The following EIF2B3 variants were observed in gnomAD, a reference collection of about 807,000 sequenced individuals.
EIF2B3 encodes translation initiation factor eIF2B subunit gamma.
A neutral mutation model predicts 54.1 loss-of-function variants in EIF2B3; 20 were observed. The ratio of observed to expected loss-of-function variants is 0.37; its 90% CI spans 0.26 to 0.54. EIF2B3 has a LOEUF of 0.54. Ranked by LOEUF, EIF2B3 falls within the 20% of genes least tolerant of loss-of-function variation. EIF2B3 has a pLI of 0.86. For missense variants in EIF2B3, 448 were observed against 547.8 expected, an observed-to-expected ratio of 0.82 and a Z score of 1.82; for synonymous variants, 153 against 188.1, an observed-to-expected ratio of 0.81 and a Z score of 1.52.
rs571124682 is a variant in EIF2B3 at position 44,976,848 on chromosome 1, T to C, written c.294+1467A>G. Among the ~76,000 whole-genome samples, 12 of 152,268 alleles carry C rather than the reference T, an allele frequency of 7.9e-5. No individual in the cohort carries two copies. The South Asian group carries it at 1.4e-3, about 18-fold the overall frequency. On this transcript the variant is annotated intron_variant, in intron 3 of 11. Coordinates refer to ENST00000360403, the MANE Select transcript of EIF2B3 (RefSeq NM_020365.5). The stretch of plus-strand genomic sequence containing the variant: ...TTTATAAGCAAATAAAATTAATACA[T>C]AGTGATAGAAACAGAAGAGTGGTTG...
At chr1:44,899,751 C>CA (rs1643235432) in intron 5 of EIF2B3, among the ~76,000 whole-genome samples, 1 of 152,192 alleles carries the variant, frequency 6.6e-6, no homozygotes, top group South Asian at 2.1e-4. Flanking sequence ...TAAACTAGTT[C>CA]AGCCACTGTG....
chr1:44,856,615 G>A (rs1654442058), intron 11 of EIF2B3, among the ~76,000 whole-genome samples: 1 of 150,640 alleles, frequency 6.6e-6, no homozygotes, highest in South Asian at 2.1e-4. Context: ...GAGTTGAGAT[G>A]TGAACTGAGG....
Position 44,881,516 on chromosome 1 carries a change from G to C in EIF2B3, c.784+96C>G. The C allele has an allele frequency of 1.3e-6, 2 of 1,490,744 alleles. No homozygotes were observed. The highest frequency in any genetic ancestry group is 1.9e-6 in the Non-Finnish European group (2 of 1,076,620). 92.3% of individuals were successfully genotyped at this position (1,490,744 alleles called of 1,614,324 possible). A position where few individuals can be genotyped will look rare whatever the true frequency, so the allele number is the denominator to read the frequency against. On this transcript the variant is annotated intron_variant, in intron 7 of 11. Transcript: ENST00000360403. The surrounding 1 kb of genome is among the most constrained non-coding windows in gnomAD (Gnocchi z 4.0). ...TAGGCTAGAAATAGTCTGCTGCCTT[G>C]AGTCAGGCATCTTGGGCTGGGCTAA...
At chr1:44,859,049 A>G (rs370544287) in intron 10 of EIF2B3, among the ~76,000 whole-genome samples, 14 of 152,318 alleles carry the variant, frequency 9.2e-5, no homozygotes, top group African/African-American at 2.6e-4. Flanking sequence ...CTGTAATACC[A>G]GCACTTTGGG....
At position 44,881,548 on chromosome 1, in the gene EIF2B3, C is replaced by T. The variant is rs1655401491; in HGVS notation, c.784+64G>A. 1 of 1,604,826 alleles carries T rather than the reference C, an allele frequency of 6.2e-7. No individual in the cohort carries two copies. Among genetic ancestry groups the T allele is most frequent in the Non-Finnish European group, 8.5e-7 (1 of 1,174,378 alleles). On this transcript the variant is annotated intron_variant, in intron 7 of 11. Coordinates refer to ENST00000360403, the MANE Select transcript of EIF2B3 (RefSeq NM_020365.5). The surrounding 1 kb of genome is among the most constrained non-coding windows in gnomAD (Gnocchi z 4.0). ...GCATCTTGGGCTGGGCTAAGCTGCC[C>T]AACCACTCTTTCCAAAGGTGCTGCT... is the stretch of plus-strand genomic sequence containing the variant.
chr1:44,986,554 CGGCA>C lies in EIF2B3; in HGVS notation c.-75_-72del, dbSNP rs1557719788. The C allele has an allele frequency of 7.9e-5, 12 of 152,510 alleles. No homozygotes were observed. The highest frequency in any genetic ancestry group is 1.5e-4 in the Non-Finnish European group (10 of 68,316). 9.4% of individuals were successfully genotyped at this position (152,510 alleles called of 1,614,324 possible). A position where few individuals can be genotyped will look rare whatever the true frequency, so the allele number is the denominator to read the frequency against. On this transcript the variant is annotated 5_prime_UTR_variant, in exon 1 of 12. Coordinates refer to ENST00000360403, the MANE Select transcript of EIF2B3 (RefSeq NM_020365.5). The stretch of plus-strand genomic sequence containing the variant: ...GAAGTCACAGCTATAACTCAGCTCC[CGGCA>C]CGCCGCAACCGCTCCCAGCGATCTC...
chr1:44,961,316 CAAAAAAA>C (rs752610849), intron 3 of EIF2B3, among the ~76,000 whole-genome samples: 1 of 81,646 alleles, frequency 1.2e-5, no homozygotes, highest in Non-Finnish European at 2.4e-5. Flanking sequence ...GACCCTGTCT[CAAAAAAA>C]AAAAAAAAAA....
In EIF2B3 at chr1:44,972,909, C is replaced by T. The variant is rs1644417094; in HGVS notation, c.294+5406G>A. On this transcript the variant is annotated intron_variant, in intron 3 of 11. Transcript: ENST00000360403. ...ATAAAAAGTTAGCTGGGTGTGGCAA[C>T]ATATGCCCATGGTTCCAGCTACTCA... 3.9e-5 allele frequency among the ~76,000 whole-genome samples: 6 copies of T among 152,260 alleles called. No homozygotes were observed. In the South Asian group the frequency reaches 1.2e-3, roughly 32 times the overall value.
intron 11 of EIF2B3, among the ~76,000 whole-genome samples, chr1:44,855,736 T>C (rs762598969): frequency 8.5e-5 from 13 of 152,176 alleles, no homozygotes; most frequent in Non-Finnish European, 1.3e-4. Context: ...TTTGTATTTT[T>C]AGTAGAGACG....
chr1:44,851,087 C>T (rs1654253456), intron 11 of EIF2B3, 84 bp from the exon 12 acceptor site: 8 of 1,375,032 alleles, frequency 5.8e-6, no homozygotes, highest in East Asian at 2.3e-5. Context: ...TTTTGGAGAC[C>T]GAGTTTCGCT....
chr1:44,953,267 A>G (rs1245148269), intron 3 of EIF2B3, among the ~76,000 whole-genome samples: 1 of 151,930 alleles, frequency 6.6e-6, no homozygotes, highest in African/African-American at 2.4e-5. Context: ...AAAAAAAGAA[A>G]AAAAAAAGAA....
intron 6 of EIF2B3, among the ~76,000 whole-genome samples, chr1:44,890,775 G>T (rs1655770152): frequency 1.3e-5 from 2 of 152,084 alleles, no homozygotes; most frequent in African/African-American, 4.8e-5. Context: ...TGTCAAACTA[G>T]ATTTGTCTGC....
At chr1:44,906,021 T>G (rs1251474134) in intron 5 of EIF2B3, among the ~76,000 whole-genome samples, 2 of 152,164 alleles carry the variant, frequency 1.3e-5, no homozygotes, top group Admixed American at 6.5e-5. Context: ...ACAGCACCAC[T>G]GACAAGAAGC....
chr1:44,950,695 A>G (rs1168379586), intron 3 of EIF2B3, among the ~76,000 whole-genome samples: 1 of 152,050 alleles, frequency 6.6e-6, no homozygotes, highest in African/African-American at 2.4e-5. Context: ...TTATTTATTT[A>G]TTTATTTTTT....
intron 6 of EIF2B3, among the ~76,000 whole-genome samples, chr1:44,888,958 C>T (rs1406320803): frequency 2.0e-5 from 3 of 152,204 alleles, no homozygotes; most frequent in African/African-American, 7.2e-5. Flanking sequence ...CTTCTGGGAA[C>T]AGTGGGAAGA....
chr1:44,952,719 A>G (rs1644180506), intron 3 of EIF2B3, among the ~76,000 whole-genome samples: 1 of 150,894 alleles, frequency 6.6e-6, no homozygotes, highest in African/African-American at 2.4e-5. Context: ...CGCCCGGCTA[A>G]TTTTTTGTAT....
At chr1:44,873,026 C>T (rs983748865) in intron 10 of EIF2B3, among the ~76,000 whole-genome samples, 2 of 152,142 alleles carry the variant, frequency 1.3e-5, no homozygotes, top group Non-Finnish European at 2.9e-5. Context: ...CTCAACTCAG[C>T]GTTAGGTGAT....
intron 10 of EIF2B3, among the ~76,000 whole-genome samples, chr1:44,859,255 C>A (rs368755984): frequency 7.2e-5 from 11 of 152,184 alleles, no homozygotes; most frequent in South Asian, 2.1e-4. Flanking sequence ...GAACTGTGAT[C>A]GCACCACCGC....
intron 4 of EIF2B3, among the ~76,000 whole-genome samples, chr1:44,929,350 C>T (rs1643878019): frequency 6.6e-6 from 1 of 152,124 alleles, no homozygotes. Context: ...ATATATGATT[C>T]AATTGTACAA....
Sources: gnomAD v4.1 joint callset for allele counts (sites outside exome capture counted in the v4.1 genomes callset) on GRCh38, gnomAD v4.1.1 for gene constraint, Gnocchi (gnomAD v3.1) non-coding constraint, MANE v1.5 for transcripts, NCBI Gene and HGNC (gene_info 2026-07-23, HGNC 2026-07-21) for gene names.